Variants in NALF1 observed in about 807,000 individuals in gnomAD.
NALF1 encodes the protein family with sequence similarity 155 member A.
In NALF1, 3 loss-of-function variants were observed where a neutral mutation model predicts 48.4. The observed-to-expected ratio is 0.06, with a 90% CI of 0.03 to 0.16. The LOEUF (loss-of-function observed/expected upper bound fraction) is 0.16. NALF1 is among the 10% of genes least tolerant of loss of function. The pLI is 1.00. For synonymous variants in NALF1, 262 were observed against 245.7 expected (o/e 1.07, Z -0.62); for missense variants, 526 against 571.5 (o/e 0.92, Z 0.81).
chr13:107,559,151 G>C (rs973619248), intron 1 of NALF1, among the ~76,000 whole-genome samples: 3 of 152,184 alleles, frequency 2.0e-5, no homozygotes, highest in Non-Finnish European at 4.4e-5. Flanking sequence ...ATGTGGAGGA[G>C]ACGGCAGCAG....
intron 1 of NALF1, among the ~76,000 whole-genome samples, chr13:107,259,922 T>C (rs958714421): frequency 6.6e-6 from 1 of 152,226 alleles, no homozygotes. Context: ...GAGCAAGCAC[T>C]ATGTCTATTT....
At chr13:107,744,394 G>A (rs963708881) in intron 1 of NALF1, among the ~76,000 whole-genome samples, 4 of 152,082 alleles carry the variant, frequency 2.6e-5, no homozygotes, top group East Asian at 1.9e-4. Context: ...ATAAGTAAGC[G>A]AAGTGTTTTA....
intron 1 of NALF1, among the ~76,000 whole-genome samples, chr13:107,399,316 T>G (rs1474766866): frequency 6.6e-6 from 1 of 152,048 alleles, no homozygotes; most frequent in East Asian, 1.9e-4. Flanking sequence ...GTGTGTGTGT[T>G]TTTCAGAAAA....
chr13:107,838,732 T>C (rs1447891019), intron 1 of NALF1, among the ~76,000 whole-genome samples: 1 of 152,114 alleles, frequency 6.6e-6, no homozygotes, highest in Non-Finnish European at 1.5e-5. Flanking sequence ...GTGATCTCAC[T>C]TGGTTTAAAA....
intron 1 of NALF1, among the ~76,000 whole-genome samples, chr13:107,659,869 G>A (rs998548015): frequency 6.6e-6 from 1 of 150,834 alleles, no homozygotes; most frequent in Admixed American, 6.6e-5. Context: ...GGAGTGCAGT[G>A]GTGCAATCTC....
At chr13:107,365,884 T>C (rs930121323) in intron 1 of NALF1, among the ~76,000 whole-genome samples, 1 of 152,220 alleles carries the variant, frequency 6.6e-6, no homozygotes, top group Non-Finnish European at 1.5e-5. Context: ...ACAGACTGCT[T>C]GCCTACATGT....
At chr13:107,621,783 G>T (rs1453942218) in intron 1 of NALF1, among the ~76,000 whole-genome samples, 1 of 152,162 alleles carries the variant, frequency 6.6e-6, no homozygotes, top group Non-Finnish European at 1.5e-5. Flanking sequence ...AGACCTAGAG[G>T]AGGCTGTGGC....
intron 1 of NALF1, among the ~76,000 whole-genome samples, chr13:107,662,054 T>A (rs946117265): frequency 6.6e-6 from 1 of 152,200 alleles, no homozygotes; most frequent in East Asian, 1.9e-4. Context: ...GAAGTCAGGG[T>A]TGGAGGAGGA....
At chr13:107,315,186 C>A (rs1882122114) in intron 1 of NALF1, among the ~76,000 whole-genome samples, 1 of 151,964 alleles carries the variant, frequency 6.6e-6, no homozygotes, top group Non-Finnish European at 1.5e-5. Flanking sequence ...TTAAAGAATT[C>A]TACTACCTTT....
At chr13:107,671,123 A>T (rs1373046286) in intron 1 of NALF1, among the ~76,000 whole-genome samples, 2 of 152,196 alleles carry the variant, frequency 1.3e-5, no homozygotes, top group African/African-American at 2.4e-5. Flanking sequence ...CTCACATTTT[A>T]TAAAATTATT....
intron 2 of NALF1, among the ~76,000 whole-genome samples, chr13:107,201,269 T>G (rs952578866): frequency 2.6e-5 from 4 of 152,122 alleles, no homozygotes; most frequent in African/African-American, 9.7e-5. Flanking sequence ...TTGGAAGAGA[T>G]CAGAAGGAAG....
rs549620342 is a variant in NALF1, at chr13:107,178,877, G to A, written c.1088-8091C>T. 4.6e-5 allele frequency among the ~76,000 whole-genome samples: 7 copies of A among 152,010 alleles called. No individual in the cohort carries two copies. The East Asian group carries it at 5.8e-4, about 13-fold the overall frequency. On this transcript the variant is annotated intron_variant, in intron 2 of 2. Coordinates refer to ENST00000375915, the MANE Select transcript of NALF1 (RefSeq NM_001080396.3). ...GGAGAATGGCGTGAACCCAGGAGGCGGAGCTTGCAGTGAGCCGCGATCCCG... is the reference window on the plus strand; with the variant it reads ...GGAGAATGGCGTGAACCCAGGAGGCAGAGCTTGCAGTGAGCCGCGATCCCG...
chr13:107,746,365 G>A (rs1261807406), intron 1 of NALF1, among the ~76,000 whole-genome samples: 2 of 152,062 alleles, frequency 1.3e-5, no homozygotes, highest in Admixed American at 6.6e-5. Context: ...TTAACCCAAG[G>A]TGCTTAATAA....
intron 1 of NALF1, among the ~76,000 whole-genome samples, chr13:107,272,085 A>G (rs1189804198): frequency 6.6e-6 from 1 of 151,894 alleles, no homozygotes; most frequent in Non-Finnish European, 1.5e-5. Flanking sequence ...AAAGACATGA[A>G]TGTCTCAATA....
intron 1 of NALF1, among the ~76,000 whole-genome samples, chr13:107,383,172 G>A (rs1352197695): frequency 1.3e-5 from 2 of 152,176 alleles, no homozygotes; most frequent in Non-Finnish European, 2.9e-5. Flanking sequence ...CTTCATAAAA[G>A]TGAATTTACC....
intron 1 of NALF1, among the ~76,000 whole-genome samples, chr13:107,415,456 G>T (rs549126131): frequency 1.3e-5 from 2 of 151,432 alleles, no homozygotes; most frequent in Admixed American, 6.6e-5. Flanking sequence ...TACCTAGACT[G>T]AAACAGATTT....
At chr13:107,709,344 T>A (rs1875499617) in intron 1 of NALF1, among the ~76,000 whole-genome samples, 1 of 152,200 alleles carries the variant, frequency 6.6e-6, no homozygotes, top group Non-Finnish European at 1.5e-5. Context: ...TTCATGCGTG[T>A]CAGCACGGTC....
chr13:107,835,939 GGAAGCA>G (rs1294187074), intron 1 of NALF1, among the ~76,000 whole-genome samples: 19 of 152,254 alleles, frequency 1.2e-4, no homozygotes, highest in South Asian at 4.1e-4. Flanking sequence ...CAAGGACCCA[GGAAGCA>G]GAAGCAGAAG....
chr13:107,364,168 T>C (rs1883112144), intron 1 of NALF1, among the ~76,000 whole-genome samples: 1 of 152,248 alleles, frequency 6.6e-6, no homozygotes, highest in Admixed American at 6.5e-5. Context: ...TTATAGAGCT[T>C]ACAATGCTCA....
Sources: gnomAD v4.1 joint callset for allele counts (sites outside exome capture counted in the v4.1 genomes callset) on GRCh38, gnomAD v4.1.1 for gene constraint, MANE v1.5 for transcripts, NCBI Gene and HGNC (gene_info 2026-07-23, HGNC 2026-07-21) for gene names.